CSMD1: variants seen among roughly 807,000 people sequenced by gnomAD.
CSMD1 encodes CUB and sushi domain-containing protein 1.
CSMD1 carries 213 observed loss-of-function variants against 417.5 expected under a neutral mutation model. The ratio of observed to expected loss-of-function variants is 0.51; its 90% CI spans 0.46 to 0.57. CSMD1 has a LOEUF of 0.57. Among genes scored for constraint, CSMD1 ranks in the 20% least tolerant of loss-of-function variants. CSMD1 has a pLI of 0.00. For missense variants in CSMD1, 6,923 were observed against 4,529.7 expected, an observed-to-expected ratio of 1.53 and a Z score of -15.17; for synonymous variants, 2,862 against 1,736.8, an observed-to-expected ratio of 1.65 and a Z score of -16.11.
chr8:3,407,676 G>C (rs932027624), intron 14 of CSMD1, among the ~76,000 whole-genome samples: 1 of 152,138 alleles, frequency 6.6e-6, no homozygotes, highest in Non-Finnish European at 1.5e-5. Context: ...AGGAGATCCA[G>C]CTTCTTAGTT....
chr8:4,844,539 C>G (rs139762421), intron 1 of CSMD1, among the ~76,000 whole-genome samples: 1 of 152,098 alleles, frequency 6.6e-6, no homozygotes, highest in East Asian at 1.9e-4. Flanking sequence ...GCGACTGGCT[C>G]GAGATTCAAT....
At chr8:4,136,005 C>A (rs1366575286) in intron 3 of CSMD1, among the ~76,000 whole-genome samples, 1 of 151,878 alleles carries the variant, frequency 6.6e-6, no homozygotes. Flanking sequence ...AAATTGAATT[C>A]AATTTCAAAA....
intron 5 of CSMD1, among the ~76,000 whole-genome samples, chr8:3,953,379 T>C (rs1811714279): frequency 6.6e-6 from 1 of 152,178 alleles, no homozygotes; most frequent in Non-Finnish European, 1.5e-5. Context: ...AGTTAGGTGT[T>C]TATATATACT....
intron 1 of CSMD1, among the ~76,000 whole-genome samples, chr8:4,704,750 G>C (rs191814293): frequency 1.3e-5 from 2 of 152,164 alleles, no homozygotes; most frequent in Non-Finnish European, 2.9e-5. Flanking sequence ...TTCTGGATAT[G>C]TGTGAGTTGT....
chr8:3,904,105 C>G (rs569292615), intron 5 of CSMD1, among the ~76,000 whole-genome samples: 1 of 152,150 alleles, frequency 6.6e-6, no homozygotes, highest in East Asian at 1.9e-4. Flanking sequence ...TTTGTTTATG[C>G]CTAATGAAGT....
chr8:3,133,565 G>C (rs976263591), intron 41 of CSMD1, among the ~76,000 whole-genome samples: 1 of 152,196 alleles, frequency 6.6e-6, no homozygotes, highest in African/African-American at 2.4e-5. Flanking sequence ...AACCCACCAG[G>C]AATGAAGGGG....
chr8:4,914,663 G>T (rs377379996), intron 1 of CSMD1, among the ~76,000 whole-genome samples: 3 of 151,790 alleles, frequency 2.0e-5, no homozygotes, highest in African/African-American at 7.3e-5. Context: ...CAGATCCTCT[G>T]TTTGGACACT....
chr8:3,602,408 A>G (rs1584946943), intron 8 of CSMD1, among the ~76,000 whole-genome samples: 2 of 152,276 alleles, frequency 1.3e-5, no homozygotes, highest in South Asian at 4.1e-4. Flanking sequence ...AGAGATTTTA[A>G]AGGAATTAGA....
chr8:3,979,106 G>T (rs747329816), intron 5 of CSMD1, among the ~76,000 whole-genome samples: 1 of 152,218 alleles, frequency 6.6e-6, no homozygotes. Flanking sequence ...AGTGCATTTA[G>T]AGAGCTCTAC....
At chr8:3,597,351 C>T (rs1470568307) in intron 8 of CSMD1, among the ~76,000 whole-genome samples, 1 of 152,100 alleles carries the variant, frequency 6.6e-6, no homozygotes, top group African/African-American at 2.4e-5. Context: ...CAATTTCCCT[C>T]ACTCTCGCTT....
intron 37 of CSMD1, among the ~76,000 whole-genome samples, chr8:3,176,634 A>G: frequency 6.6e-6 from 1 of 152,168 alleles, no homozygotes; most frequent in South Asian, 2.1e-4. Context: ...GGATGTAGAG[A>G]TCTGCAAAAA....
chr8:3,224,743 T>C (rs1798400862), intron 27 of CSMD1, among the ~76,000 whole-genome samples: 2 of 152,238 alleles, frequency 1.3e-5, no homozygotes. Flanking sequence ...TGTAGCTCAA[T>C]GTGGTTAATA....
chr8:3,416,532 G>A (rs557187588), intron 12 of CSMD1, among the ~76,000 whole-genome samples: 4 of 152,240 alleles, frequency 2.6e-5, no homozygotes, highest in Admixed American at 2.6e-4. Flanking sequence ...AAGGCAGAAA[G>A]GAATGAGACA....
chr8:4,024,964 C>T (rs567327925), intron 4 of CSMD1, among the ~76,000 whole-genome samples: 13 of 152,308 alleles, frequency 8.5e-5, no homozygotes, highest in South Asian at 2.1e-4. Flanking sequence ...GTCTGAAGTA[C>T]GATTGGCCTG....
chr8:3,494,915 G>A lies in CSMD1; in HGVS notation c.1345-1189C>T, dbSNP rs117539710. ...AGTAAGTGGTAGCATAGAGAAGACA[G>A]ACTTCCCACTAATACCCAAGTCCAT... On this transcript the variant is annotated intron_variant, in intron 10 of 69. Transcript: ENST00000635120. Among the ~76,000 whole-genome samples the A allele has an allele frequency of 0.011, 1,646 of 152,264 alleles. 46 individuals carry two copies. The East Asian group carries it at 0.11, about 10-fold the overall frequency.
At chr8:4,813,142 C>T (rs1799003123) in intron 1 of CSMD1, among the ~76,000 whole-genome samples, 1 of 152,100 alleles carries the variant, frequency 6.6e-6, no homozygotes, top group South Asian at 2.1e-4. Context: ...CTCGCTAAAT[C>T]CCTGACAAAA....
chr8:3,621,595 T>A (rs1475534047), intron 7 of CSMD1, among the ~76,000 whole-genome samples: 2 of 151,854 alleles, frequency 1.3e-5, no homozygotes, highest in African/African-American at 4.8e-5. Context: ...CTTTTCTTAC[T>A]TTTTTTTCTT....
At chr8:3,901,283 T>A (rs1434211969) in intron 5 of CSMD1, among the ~76,000 whole-genome samples, 1 of 152,202 alleles carries the variant, frequency 6.6e-6, no homozygotes, top group African/African-American at 2.4e-5. Flanking sequence ...TTTTCCACTT[T>A]TTCCCTTTTT....
At chr8:4,685,293 G>T (rs959349179) in intron 1 of CSMD1, among the ~76,000 whole-genome samples, 5 of 152,212 alleles carry the variant, frequency 3.3e-5, no homozygotes, top group Non-Finnish European at 4.4e-5. Flanking sequence ...CTTAATCATG[G>T]CCAGGCGTGT....
Sources: gnomAD v4.1 joint callset for allele counts (sites outside exome capture counted in the v4.1 genomes callset) on GRCh38, gnomAD v4.1.1 for gene constraint, MANE v1.5 for transcripts, NCBI Gene and HGNC (gene_info 2026-07-23, HGNC 2026-07-21) for gene names.